NMT1: variants seen among roughly 807,000 people sequenced by gnomAD.
NMT1 encodes the protein N-myristoyltransferase 1.
Under a neutral mutation model 63.4 loss-of-function variants are expected in NMT1, and 12 were observed. That is an observed-to-expected ratio of 0.19 (90% CI 0.12 to 0.31). NMT1 has a LOEUF of 0.31. NMT1 is among the 10% of genes least tolerant of loss of function. The probability of loss-of-function intolerance (pLI) is 1.00; values close to 1 mark genes in which losing one functional copy is unlikely to be tolerated. For synonymous variants in NMT1, 228 were observed against 234.3 expected, an observed-to-expected ratio of 0.97 and a Z score of 0.25; for missense variants, 432 against 634.6, an observed-to-expected ratio of 0.68 and a Z score of 3.43.
intron 1 of NMT1, among the ~76,000 whole-genome samples, chr17:45,079,142 C>T (rs1421145727): frequency 4.0e-5 from 6 of 148,774 alleles, no homozygotes; most frequent in African/African-American, 1.5e-4. Context: ...CTTGCTCTGT[C>T]GCCCAGAGCT....
At chr17:45,068,178 C>A (rs2053915045) in intron 1 of NMT1, among the ~76,000 whole-genome samples, 1 of 152,170 alleles carries the variant, frequency 6.6e-6, no homozygotes, top group South Asian at 2.1e-4. Flanking sequence ...AAATACTAAA[C>A]CGGAATTCCT....
At chr17:45,081,188 A>C (rs1413509923) in intron 1 of NMT1, among the ~76,000 whole-genome samples, 1 of 152,192 alleles carries the variant, frequency 6.6e-6, no homozygotes, top group Non-Finnish European at 1.5e-5. Flanking sequence ...CAGCTGGGGA[A>C]AATCATGAAA....
chr17:45,066,641 T>A lies in NMT1; in HGVS notation c.131+5181T>A, dbSNP rs1408442467. Among the ~76,000 whole-genome samples, 4 of 152,088 alleles carry A rather than the reference T, an allele frequency of 2.6e-5. No individual in the cohort carries two copies. The South Asian group carries it at 8.3e-4, about 32-fold the overall frequency. On this transcript the variant is annotated intron_variant, in intron 1 of 11. Coordinates refer to ENST00000258960, the MANE Select transcript of NMT1 (RefSeq NM_021079.5). ...CTTCATGTATACATATAGGTATACA[T>A]GCATACATATGCAGTGTGTATGGGT...
intron 6 of NMT1, 64 bp from the exon 7 acceptor site, chr17:45,098,318 T>C: frequency 6.5e-7 from 1 of 1,530,974 alleles, no homozygotes; most frequent in Non-Finnish European, 8.9e-7. Flanking sequence ...CTGCACGTGC[T>C]TGATGGGATC....
Position 45,103,016 on chromosome 17 carries a change from C to T in NMT1, c.1059C>T (p.Leu353=). Residue 353 remains leucine, a synonymous_variant, in exon 9 of 12, where the codon CTC becomes CTT. Coordinates refer to ENST00000258960, the MANE Select transcript of NMT1 (RefSeq NM_021079.5). The surrounding 1 kb of genome is among the most constrained non-coding windows in gnomAD (Gnocchi z 4.8). ...TKDIPVVHQL[L]TRYLKQFHLT... Reference sequence around the variant, plus strand: ...ACATTCCAGTAGTGCACCAGCTCCTCACCAGGTACTTGAAGCAATTTCACC... The same window carrying T: ...ACATTCCAGTAGTGCACCAGCTCCTTACCAGGTACTTGAAGCAATTTCACC... 16 of 1,614,084 alleles carry T rather than the reference C, an allele frequency of 9.9e-6. No individual in the cohort carries two copies. The highest frequency in any genetic ancestry group is 1.4e-5 in the Non-Finnish European group (16 of 1,179,948).
chr17:45,080,034 T>C (rs1241809451), intron 1 of NMT1, among the ~76,000 whole-genome samples: 1 of 152,148 alleles, frequency 6.6e-6, no homozygotes, highest in Non-Finnish European at 1.5e-5. Context: ...CAGGAGTAAC[T>C]GGGTGCTATT....
At chr17:45,090,346 G>A (rs1307210968) in intron 3 of NMT1, among the ~76,000 whole-genome samples, 2 of 152,174 alleles carry the variant, frequency 1.3e-5, no homozygotes, top group African/African-American at 4.8e-5. Context: ...TTTAGTCTGT[G>A]TAACAACTGT....
chr17:45,101,429 C>T (rs1723180480), intron 8 of NMT1, among the ~76,000 whole-genome samples: 2 of 151,040 alleles, frequency 1.3e-5, no homozygotes, highest in Admixed American at 6.6e-5. Context: ...TTGAGACCAT[C>T]CTGCCAACAT....
chr17:45,063,518 ATCT>A (rs545819954), intron 1 of NMT1, among the ~76,000 whole-genome samples: 3 of 151,522 alleles, frequency 2.0e-5, no homozygotes, highest in Non-Finnish European at 4.4e-5. Context: ...TTTTATTTTT[ATCT>A]TCTTAACTGT....
chr17:45,096,967 C>T (rs1320598281), intron 5 of NMT1, among the ~76,000 whole-genome samples, 161 bp from the exon 6 acceptor site: 3 of 152,192 alleles, frequency 2.0e-5, no homozygotes, highest in Non-Finnish European at 2.9e-5. Context: ...GGTGATGGCT[C>T]GATTCTGTGT....
intron 2 of NMT1, among the ~76,000 whole-genome samples, chr17:45,082,005 G>C (rs1391533349): frequency 2.6e-5 from 4 of 152,188 alleles, no homozygotes; most frequent in African/African-American, 9.6e-5. Context: ...GGTGCGTACT[G>C]CATGTGCTGC....
In NMT1 at chr17:45,091,293, G is replaced by C. The variant is rs1178267057; in HGVS notation, c.386-2392G>C. Among the ~76,000 whole-genome samples the C allele has an allele frequency of 2.6e-5, 4 of 151,184 alleles. No homozygotes were observed. In the East Asian group the frequency reaches 7.8e-4, roughly 29 times the overall value. On this transcript the variant is annotated intron_variant, in intron 3 of 11. Coordinates refer to ENST00000258960, the MANE Select transcript of NMT1 (RefSeq NM_021079.5). ...TGGCCCTCACCATGCCGGGTGGCAT[G>C]TGCATCCTTGCTCATCTCTTTGGTG...
chr17:45,064,750 G>A (rs893227349), intron 1 of NMT1, among the ~76,000 whole-genome samples: 2 of 152,170 alleles, frequency 1.3e-5, no homozygotes, highest in African/African-American at 4.8e-5. Context: ...TTGAAAACAG[G>A]AGGCAGAGGT....
In NMT1 at chr17:45,103,113, G is replaced by A; in HGVS notation, c.1156G>A (p.Val386Met). 2.5e-6 allele frequency: 4 copies of A among 1,607,740 alleles called. No homozygotes were observed. The highest frequency in any genetic ancestry group is 1.1e-5 in the South Asian group (1 of 90,926). ...CCAGGAGAATATCATCGACACTTTCGTGGTGGAGGTGAGTCAGGGAGTGGT... is the reference window on the plus strand; with the variant it reads ...CCAGGAGAATATCATCGACACTTTCATGGTGGAGGTGAGTCAGGGAGTGGT... ...YPQENIIDTFVVENANGEVTD... is the reference protein window; with the variant it reads ...YPQENIIDTFMVENANGEVTD... The change falls in exon 9 of 12, where the codon GTG becomes ATG. Residue 386 changes from valine to methionine, a missense_variant. Physicochemically the swap from Val to Met is conservative, Grantham distance 21. Transcript: ENST00000258960. The surrounding 1 kb of genome is among the most constrained non-coding windows in gnomAD (Gnocchi z 4.8).
At chr17:45,096,335 G>T (rs368287867) in intron 5 of NMT1, 50 bp downstream of exon 5, 15 of 1,444,230 alleles carry the variant, frequency 1.0e-5, no homozygotes, top group Admixed American at 1.7e-5. Flanking sequence ...GCATAGAGCA[G>T]ATCCACCAGA....
rs1442560971 is a variant in NMT1, at chr17:45,104,442, T to C, written c.1333-417T>C. The C allele has an allele frequency of 9.1e-7, 1 of 1,094,992 alleles. No homozygotes were observed. Among genetic ancestry groups the C allele is most frequent in the Non-Finnish European group, 1.1e-6 (1 of 896,244 alleles). The allele number at this position is 1,094,992 out of a possible 1,614,324, so 67.8% of individuals were successfully genotyped here. A position where few individuals can be genotyped will look rare whatever the true frequency, so the allele number is the denominator to read the frequency against. On this transcript the variant is annotated intron_variant, in intron 10 of 11. Transcript: ENST00000258960. The surrounding 1 kb of genome is among the most constrained non-coding windows in gnomAD (Gnocchi z 4.2). ...AGGTGTCATACAACATGAGGTGCAC[T>C]GAGGGCCTGAGAGTTGGGGCATCCA...
intron 2 of NMT1, among the ~76,000 whole-genome samples, chr17:45,085,549 A>G (rs1249564274): frequency 1.3e-5 from 2 of 150,540 alleles, no homozygotes; most frequent in Non-Finnish European, 2.9e-5. Context: ...TCCCAAGTGA[A>G]GACTATTGAT....
rs958427571 is a variant in NMT1, at chr17:45,097,074, G to A, written c.597-54G>A. The A allele has an allele frequency of 1.6e-5, 24 of 1,487,420 alleles. 1 individual carries two copies. The highest frequency in any genetic ancestry group is 9.7e-5 in the African/African-American group (7 of 72,458). The allele number at this position is 1,487,420 out of a possible 1,614,324, so 92.1% of individuals were successfully genotyped here. ...CCAAATTTGGCTGTGGAGCCCAAGC[G>A]GCTTGTCCAGCCTGCCGGCAAGCAG... On this transcript the variant is annotated intron_variant, in intron 5 of 11. Transcript: ENST00000258960.
chr17:45,069,877 C>T (rs1162928249), intron 1 of NMT1, among the ~76,000 whole-genome samples: 3 of 146,198 alleles, frequency 2.1e-5, no homozygotes, highest in African/African-American at 7.5e-5. Flanking sequence ...GAGACTCCAT[C>T]TCAAAAAAAA....
Sources: gnomAD v4.1 joint callset for allele counts (sites outside exome capture counted in the v4.1 genomes callset) on GRCh38, gnomAD v4.1.1 for gene constraint, Gnocchi (gnomAD v3.1) non-coding constraint, MANE v1.5 for transcripts, NCBI Gene and HGNC (gene_info 2026-07-23, HGNC 2026-07-21) for gene names.